The following ADAMTSL3 variants were observed in gnomAD, a reference collection of about 807,000 sequenced individuals.
ADAMTSL3 encodes ADAMTS like 3.
A neutral mutation model predicts 201.7 loss-of-function variants in ADAMTSL3; 128 were observed. The observed-to-expected ratio is 0.63, with a 90% CI of 0.55 to 0.73. The LOEUF (loss-of-function observed/expected upper bound fraction) is 0.73. Ranked by LOEUF, ADAMTSL3 falls within the 30% of genes least tolerant of loss-of-function variation. ADAMTSL3 has a pLI of 0.00. For synonymous variants in ADAMTSL3, 738 were observed against 748.4 expected (o/e 0.99, Z 0.23); for missense variants, 1,990 against 2,119.6 (o/e 0.94, Z 1.20).
chr15:83,655,878 T>G, intron 2 of ADAMTSL3, 48 bp downstream of exon 2: 2 of 1,560,136 alleles, frequency 1.3e-6, no homozygotes, highest in African/African-American at 1.4e-5. Context: ...ATCCCTCTGT[T>G]TACTCAGAGG....
At chr15:83,921,172 G>C (rs560486280) in intron 16 of ADAMTSL3, among the ~76,000 whole-genome samples, 1 of 152,286 alleles carries the variant, frequency 6.6e-6, no homozygotes, top group African/African-American at 2.4e-5. Context: ...ATTCTAGTGT[G>C]TGGAGTTGGG....
intron 23 of ADAMTSL3, among the ~76,000 whole-genome samples, chr15:84,003,214 G>T (rs906450028): frequency 1.3e-5 from 2 of 151,896 alleles, no homozygotes; most frequent in Admixed American, 1.3e-4. Flanking sequence ...GCCTCCCAAA[G>T]TACTGAGATT....
chr15:83,988,801 C>G lies in ADAMTSL3; in HGVS notation c.3827C>G (p.Ser1276Cys), dbSNP rs755012903. The change falls in exon 22 of 30, where the codon TCT becomes TGT. Residue 1276 changes from serine to cysteine, a missense_variant. By Grantham distance (112) the Ser-to-Cys change is moderately radical. Transcript: ENST00000286744. The part of the protein sequence containing the change: ...ANHLGSDVES[S>C]SVLYAEAPVI... The stretch of plus-strand genomic sequence containing the variant: ...CATCTTGGTTCAGATGTGGAAAGTT[C>G]TTCTGTGCTGTATGCAGGTAATGCC... The G allele has an allele frequency of 1.3e-6, 2 of 1,597,898 alleles. No individual in the cohort carries two copies. The highest frequency in any genetic ancestry group is 2.2e-5 in the East Asian group (1 of 44,676).
rs568576942 is a variant in ADAMTSL3 at position 83,807,177 on chromosome 15, C to T, written c.363+2482C>T. 9.9e-5 allele frequency among the ~76,000 whole-genome samples: 15 copies of T among 152,082 alleles called. No individual in the cohort carries two copies. In the South Asian group the frequency reaches 1.0e-3, roughly 11 times the overall value. Reference sequence around the variant, plus strand: ...TTAAAAATTATAAAGCATTAATGGCCGGGCATGGTGGCTCACGCCTGTAAT... The same window carrying T: ...TTAAAAATTATAAAGCATTAATGGCTGGGCATGGTGGCTCACGCCTGTAAT... On this transcript the variant is annotated intron_variant, in intron 5 of 29. Transcript: ENST00000286744.
intron 9 of ADAMTSL3, among the ~76,000 whole-genome samples, chr15:83,876,163 T>C (rs917020467): frequency 6.6e-6 from 1 of 152,188 alleles, no homozygotes; most frequent in African/African-American, 2.4e-5. Context: ...GGTATTCCCT[T>C]ATTGTTAAAA....
intron 7 of ADAMTSL3, among the ~76,000 whole-genome samples, chr15:83,848,917 TAAC>T (rs1231554592): frequency 2.0e-5 from 3 of 152,170 alleles, no homozygotes; most frequent in Non-Finnish European, 4.4e-5. Flanking sequence ...TGAACACTCA[TAAC>T]AACCCCTTGG....
chr15:83,804,595 C>G, intron 4 of ADAMTSL3, 55 bp from the exon 5 acceptor site: 58 of 842,852 alleles, frequency 6.9e-5, no homozygotes, highest in Non-Finnish European at 9.3e-5. Context: ...TTTTTTAATG[C>G]TTGCCTCTTC....
At chr15:84,004,476 G>A (rs901492342) in intron 23 of ADAMTSL3, among the ~76,000 whole-genome samples, 2 of 152,116 alleles carry the variant, frequency 1.3e-5, no homozygotes, top group African/African-American at 4.8e-5. Flanking sequence ...GGTAACCAGA[G>A]GTCAACTAGA....
chr15:84,001,287 A>G (rs1292531945), intron 23 of ADAMTSL3, among the ~76,000 whole-genome samples: 1 of 152,204 alleles, frequency 6.6e-6, no homozygotes. Context: ...GAGGGCAGCC[A>G]TATTGCAAAG....
intron 15 of ADAMTSL3, among the ~76,000 whole-genome samples, chr15:83,909,509 TTTA>T (rs1357166779): frequency 6.6e-6 from 1 of 152,228 alleles, no homozygotes; most frequent in Non-Finnish European, 1.5e-5. Context: ...CTAGGTTCTC[TTTA>T]ACTTAGTCCC....
chr15:83,852,659 G>A (rs910945976), intron 7 of ADAMTSL3, among the ~76,000 whole-genome samples: 1 of 151,998 alleles, frequency 6.6e-6, no homozygotes, highest in South Asian at 2.1e-4. Context: ...CTGCTAATTT[G>A]TGTTTTTTTC....
chr15:83,703,166 A>T, intron 2 of ADAMTSL3, among the ~76,000 whole-genome samples: 1 of 152,128 alleles, frequency 6.6e-6, no homozygotes, highest in East Asian at 1.9e-4. Flanking sequence ...TCCCATTTGG[A>T]ATGGCTGTGT....
chr15:83,741,630 A>G (rs1273655747), intron 3 of ADAMTSL3, among the ~76,000 whole-genome samples: 1 of 152,230 alleles, frequency 6.6e-6, no homozygotes, highest in African/African-American at 2.4e-5. Context: ...ATTATAATCA[A>G]TCTAAACATT....
intron 20 of ADAMTSL3, 89 bp downstream of exon 20, chr15:83,970,726 T>A: frequency 6.7e-7 from 1 of 1,500,808 alleles, no homozygotes; most frequent in Non-Finnish European, 9.1e-7. Context: ...TCAACAGATT[T>A]CTAATCTGTG....
intron 23 of ADAMTSL3, among the ~76,000 whole-genome samples, chr15:84,008,945 C>T (rs1045817386): frequency 6.6e-6 from 1 of 152,162 alleles, no homozygotes; most frequent in Non-Finnish European, 1.5e-5. Flanking sequence ...TACCCCACCC[C>T]CATCAAATTT....
At chr15:83,878,999 G>A (rs1241850737) in intron 9 of ADAMTSL3, among the ~76,000 whole-genome samples, 1 of 151,722 alleles carries the variant, frequency 6.6e-6, no homozygotes, top group Non-Finnish European at 1.5e-5. Flanking sequence ...TGTCCGTTTT[G>A]TTTCAATGAA....
At chr15:83,696,764 G>A (rs1476942383) in intron 2 of ADAMTSL3, among the ~76,000 whole-genome samples, 1 of 152,224 alleles carries the variant, frequency 6.6e-6, no homozygotes, top group Non-Finnish European at 1.5e-5. Context: ...TGACAAGGAG[G>A]CAGATTGTGA....
intron 7 of ADAMTSL3, among the ~76,000 whole-genome samples, chr15:83,846,460 T>C (rs2064499842): frequency 6.6e-6 from 1 of 152,186 alleles, no homozygotes; most frequent in South Asian, 2.1e-4. Context: ...AGGCGAGAGG[T>C]GCACCGAGGC....
chr15:83,881,363 G>C (rs1005028289), intron 9 of ADAMTSL3, among the ~76,000 whole-genome samples: 2 of 152,142 alleles, frequency 1.3e-5, no homozygotes, highest in Admixed American at 1.3e-4. Flanking sequence ...TTTCCACTAC[G>C]TGAGGCTGAT....
Sources: allele counts gnomAD v4.1 joint callset (sites outside exome capture counted in the v4.1 genomes callset), GRCh38; gene constraint gnomAD v4.1.1; transcripts MANE v1.5; gene names NCBI Gene and HGNC (gene_info 2026-07-23, HGNC 2026-07-21).